Variants in TENT4A observed in about 807,000 individuals in gnomAD.
The protein encoded by TENT4A is DNA polymerase kappa.
In TENT4A, 7 loss-of-function variants were observed where a neutral mutation model predicts 72.8. That is an observed-to-expected ratio of 0.10 (90% CI 0.05 to 0.18). The LOEUF (loss-of-function observed/expected upper bound fraction) is 0.18, where lower values mean the gene tolerates loss of function less well. Among genes scored for constraint, TENT4A ranks in the 10% least tolerant of loss-of-function variants. The pLI is 1.00. For missense variants in TENT4A, 831 were observed against 1,017.7 expected (o/e 0.82, Z 2.50); for synonymous variants, 456 against 434.3 (o/e 1.05, Z -0.62).
chr5:6,733,384 G>T (rs1579469138), intron 1 of TENT4A, among the ~76,000 whole-genome samples: 1 of 152,248 alleles, frequency 6.6e-6, no homozygotes, highest in Non-Finnish European at 1.5e-5. Flanking sequence ...CAGGGCCCCA[G>T]GGCTGCCTAG....
chr5:6,752,995 A>C lies in TENT4A; in HGVS notation c.2142A>C (p.Ser714=). ...ACATGTCTTCCCCGGCCATTCCCTC[A>C]GCGTCCCCCAACCCGCTCTCGAGCC... ...VHHMSSPAIP[S]ASPNPLSSPH... The change falls in exon 12 of 13, where the codon TCA becomes TCC. Residue 714 remains serine (S), a synonymous_variant. Transcript: ENST00000230859. 2 of 1,614,126 alleles carry C rather than the reference A, an allele frequency of 1.2e-6. No homozygotes were observed. The highest frequency in any genetic ancestry group is 1.7e-6 in the Non-Finnish European group (2 of 1,180,018).
At chr5:6,748,088 G>A (rs1742202257) in intron 7 of TENT4A, among the ~76,000 whole-genome samples, 1 of 152,228 alleles carries the variant, frequency 6.6e-6, no homozygotes, top group African/African-American at 2.4e-5. Context: ...GGTCGGTGCT[G>A]CTGGTCTGCA....
intron 1 of TENT4A, among the ~76,000 whole-genome samples, chr5:6,731,756 C>T (rs969591633): frequency 1.3e-5 from 2 of 152,104 alleles, no homozygotes; most frequent in Non-Finnish European, 2.9e-5. Context: ...ATTTTCGTGA[C>T]GTTTCCTTTC....
At position 6,743,772 on chromosome 5, in the gene TENT4A, C is replaced by T; in HGVS notation, c.1177C>T (p.Leu393=). ...VLKQFLLQRD[L]NEVFTGGISS... ...GAAACAGTTCCTTCTGCAGAGGGACCTGAATGAAGTTTTTACAGGTGGAAT... is the reference window on the plus strand; with the variant it reads ...GAAACAGTTCCTTCTGCAGAGGGACTTGAATGAAGTTTTTACAGGTGGAAT... The change falls in exon 6 of 13, where the codon CTG becomes TTG. Residue 393 remains leucine (L), a synonymous_variant. Coordinates refer to ENST00000230859, the MANE Select transcript of TENT4A (RefSeq NM_006999.6). 6.2e-7 allele frequency: 1 copy of T among 1,613,078 alleles called. No homozygotes were observed. Among genetic ancestry groups the T allele is most frequent in the Non-Finnish European group, 8.5e-7 (1 of 1,179,118 alleles).
intron 11 of TENT4A, chr5:6,751,434 G>A (rs1742400780): frequency 9.6e-6 from 4 of 414,588 alleles, no homozygotes; most frequent in Admixed American, 5.1e-5. Flanking sequence ...CTTTTCACGG[G>A]GGCCAGGTTG....
intron 1 of TENT4A, among the ~76,000 whole-genome samples, chr5:6,736,232 C>A (rs1170818376): frequency 6.6e-6 from 1 of 152,172 alleles, no homozygotes; most frequent in Non-Finnish European, 1.5e-5. Flanking sequence ...AATGCGTACT[C>A]CAAATGACTC....
In TENT4A at chr5:6,756,921, G is replaced by A. The variant is rs1285269758; in HGVS notation, c.*1976G>A. ...GCTACCACTGTGGTCGCGTGCTACAGGTTTGACAAAAAGATATCATGTTTC... is the reference window on the plus strand; with the variant it reads ...GCTACCACTGTGGTCGCGTGCTACAAGTTTGACAAAAAGATATCATGTTTC... On this transcript the variant is annotated 3_prime_UTR_variant, in exon 13 of 13. Transcript: ENST00000230859. 6.6e-6 allele frequency: 1 copy of A among 152,538 alleles called. No homozygotes were observed. Among genetic ancestry groups the A allele is most frequent in the Non-Finnish European group, 1.5e-5 (1 of 68,020 alleles). 9.4% of individuals were successfully genotyped at this position (152,538 alleles called of 1,614,324 possible).
At position 6,755,158 on chromosome 5, in the gene TENT4A, C is replaced by T. The variant is rs781275748; in HGVS notation, c.*213C>T. The T allele has an allele frequency of 4.3e-5, 18 of 419,826 alleles. No individual in the cohort carries two copies. The highest frequency in any genetic ancestry group is 5.9e-4 in the Middle Eastern group (1 of 1,700). The allele number at this position is 419,826 out of a possible 1,614,324, so 26.0% of individuals were successfully genotyped here. ...TCTGTGAAGCCTTATTAAACGTGGACGTTGTTTTCTGCCTTCCCAGGATTC... is the reference window on the plus strand; with the variant it reads ...TCTGTGAAGCCTTATTAAACGTGGATGTTGTTTTCTGCCTTCCCAGGATTC... On this transcript the variant is annotated 3_prime_UTR_variant, in exon 13 of 13. Coordinates refer to ENST00000230859, the MANE Select transcript of TENT4A (RefSeq NM_006999.6).
At chr5:6,740,939 G>T (rs1018629020) in intron 4 of TENT4A, among the ~76,000 whole-genome samples, 3 of 152,196 alleles carry the variant, frequency 2.0e-5, no homozygotes, top group African/African-American at 7.2e-5. Context: ...ACTGAGATGC[G>T]GAGAGGTGAG....
At chr5:6,732,409 A>G (rs1741258651) in intron 1 of TENT4A, among the ~76,000 whole-genome samples, 1 of 152,252 alleles carries the variant, frequency 6.6e-6, no homozygotes, top group South Asian at 2.1e-4. Context: ...CTCTAACTGT[A>G]GGATCCTTCT....
chr5:6,713,978 G>A lies in TENT4A; in HGVS notation c.-6G>A, dbSNP rs992226605. 211 of 975,510 alleles carry A rather than the reference G, an allele frequency of 2.2e-4. No homozygotes were observed. Among genetic ancestry groups the A allele is most frequent in the Non-Finnish European group, 2.4e-4 (200 of 823,758 alleles). 60.4% of individuals were successfully genotyped at this position (975,510 alleles called of 1,614,324 possible). A position where few individuals can be genotyped will look rare whatever the true frequency, so the allele number is the denominator to read the frequency against. On this transcript the variant is annotated 5_prime_UTR_variant, in exon 1 of 13. Transcript: ENST00000230859. ...GGCGCGCGGGCCCCGCGGGGGCGGC[G>A]CGTGGATGGATCCGCGCGTGGCCTG...
At chr5:6,728,434 C>T (rs904577880) in intron 1 of TENT4A, among the ~76,000 whole-genome samples, 1 of 152,146 alleles carries the variant, frequency 6.6e-6, no homozygotes, top group Non-Finnish European at 1.5e-5. Context: ...GTGGTTGGGG[C>T]ACTTGGGAGA....
intron 1 of TENT4A, among the ~76,000 whole-genome samples, chr5:6,731,496 C>A (rs1404062438): frequency 6.6e-6 from 1 of 151,480 alleles, no homozygotes; most frequent in Non-Finnish European, 1.5e-5. Context: ...AGCACCTGTT[C>A]TTCAGAGTGC....
chr5:6,742,408 T>G, intron 4 of TENT4A, 82 bp from the exon 5 acceptor site: 1 of 859,116 alleles, frequency 1.2e-6, no homozygotes, highest in Non-Finnish European at 2.0e-6. Flanking sequence ...ACCAAACCTC[T>G]GTACAGCTTT....
intron 2 of TENT4A, 58 bp from the exon 3 acceptor site, chr5:6,738,625 G>T: frequency 8.2e-7 from 1 of 1,221,386 alleles, no homozygotes; most frequent in South Asian, 1.2e-5. Context: ...AAGAAATAAT[G>T]GTAGTGTGAC....
At position 6,743,644 on chromosome 5, in the gene TENT4A, T is replaced by G. The variant is rs1741941209; in HGVS notation, c.1117-68T>G. The G allele has an allele frequency of 6.4e-6, 8 of 1,253,566 alleles. No individual in the cohort carries two copies. In the South Asian group the frequency reaches 1.1e-4, roughly 17 times the overall value. 77.7% of individuals were successfully genotyped at this position (1,253,566 alleles called of 1,614,324 possible). ...AACTTTCCTTTCTGTCTTGTGTGAT[T>G]TGCTATGTGAAATCTCTTTGAAAGT... is the stretch of plus-strand genomic sequence containing the variant. On this transcript the variant is annotated intron_variant, in intron 5 of 12. Coordinates refer to ENST00000230859, the MANE Select transcript of TENT4A (RefSeq NM_006999.6).
At chr5:6,743,952 T>C in intron 6 of TENT4A, 112 bp downstream of exon 6, 1 of 930,558 alleles carries the variant, frequency 1.1e-6, no homozygotes. Context: ...ACTGTATTGT[T>C]TCAATTTGGT....
chr5:6,717,503 C>T lies in TENT4A; in HGVS notation c.716+2804C>T, dbSNP rs542018359. Among the ~76,000 whole-genome samples the T allele has an allele frequency of 4.6e-5, 7 of 152,322 alleles. No homozygotes were observed. In the East Asian group the frequency reaches 1.4e-3, roughly 29 times the overall value. Reference sequence around the variant, plus strand: ...TTGGACACTTTGCCTGGTGGCTTGGCCTTGTGAGACTGCCAGTCTGCCTTC... The same window carrying T: ...TTGGACACTTTGCCTGGTGGCTTGGTCTTGTGAGACTGCCAGTCTGCCTTC... On this transcript the variant is annotated intron_variant, in intron 1 of 12. Coordinates refer to ENST00000230859, the MANE Select transcript of TENT4A (RefSeq NM_006999.6).
Position 6,753,017 on chromosome 5 carries a change from A to G in TENT4A, c.2164A>G (p.Ser722Gly), listed in dbSNP as rs200806644. The change falls in exon 12 of 13, where the codon AGC (serine) becomes GGC (glycine). Residue 722 changes from serine to glycine, a missense_variant. Physicochemically the swap from Ser to Gly is moderately conservative, Grantham distance 56. Around this residue, in one of 3 missense-constraint regions of TENT4A, gnomAD observed 332 missense variants for 324.3 expected, o/e 1.02. Coordinates refer to ENST00000230859, the MANE Select transcript of TENT4A (RefSeq NM_006999.6). ...IPSASPNPLS[S>G]PHLYHKQHNG... ...CTCAGCGTCCCCCAACCCGCTCTCG[A>G]GCCCTCATCTGTATCATAAGGTATA... 1.9e-6 allele frequency: 3 copies of G among 1,614,074 alleles called. No homozygotes were observed. The East Asian group carries it at 6.7e-5, about 36-fold the overall frequency.
Sources: allele counts gnomAD v4.1 joint callset (sites outside exome capture counted in the v4.1 genomes callset), GRCh38; gene constraint gnomAD v4.1.1; regional missense constraint gnomAD v4.1.1; transcripts MANE v1.5; gene names NCBI Gene and HGNC (gene_info 2026-07-23, HGNC 2026-07-21).